The following PRIM2 variants were observed in gnomAD, a reference collection of about 807,000 sequenced individuals.
PRIM2 encodes DNA primase subunit 2, also known as DNA primase large subunit.
PRIM2 carries 39 observed loss-of-function variants against 67.3 expected under a neutral mutation model. The observed-to-expected ratio is 0.58, with a 90% CI of 0.45 to 0.76. The LOEUF (loss-of-function observed/expected upper bound fraction) is 0.76. Among genes scored for constraint, PRIM2 ranks in the 30% least tolerant of loss-of-function variants. PRIM2 has a pLI of 0.00. For synonymous variants in PRIM2, 143 were observed against 198.7 expected (o/e 0.72, Z 2.36); for missense variants, 398 against 598.7 (o/e 0.66, Z 3.50).
intron 7 of PRIM2, among the ~76,000 whole-genome samples, chr6:57,493,107 AC>A (rs1773933298): frequency 6.6e-6 from 1 of 152,210 alleles, no homozygotes; most frequent in Non-Finnish European, 1.5e-5. Context: ...GGCAGTTCAG[AC>A]TTAACATGGA....
At chr6:57,331,541 G>C (rs1292352174) in intron 5 of PRIM2, among the ~76,000 whole-genome samples, 1 of 152,124 alleles carries the variant, frequency 6.6e-6, no homozygotes, top group African/African-American at 2.4e-5. Flanking sequence ...GCTTCTCTTT[G>C]TGGGTCATTA....
Position 57,339,393 on chromosome 6 carries a change from G to A in PRIM2, c.459+13348G>A, listed in dbSNP as rs918028178. Among the ~76,000 whole-genome samples, 12 of 152,056 alleles carry A rather than the reference G, an allele frequency of 7.9e-5. No individual in the cohort carries two copies. In the East Asian group the frequency reaches 1.5e-3, roughly 20 times the overall value. On this transcript the variant is annotated intron_variant, in intron 5 of 13. Coordinates refer to ENST00000615550, the MANE Select transcript of PRIM2 (RefSeq NM_000947.5). ...ATGGAACCAAAAAAGAGCCCGCATC[G>A]CCAAGTCAATCCTAAGCCAAAAGAA...
chr6:57,382,205 C>G (rs754499292), intron 7 of PRIM2, 37 bp downstream of exon 7: 41 of 1,603,058 alleles, frequency 2.6e-5, no homozygotes, highest in Admixed American at 3.4e-5. Context: ...CTGACATGTT[C>G]ACACTTTCAG....
chr6:57,358,082 T>G (rs2127308564), intron 5 of PRIM2, among the ~76,000 whole-genome samples: 1 of 152,358 alleles, frequency 6.6e-6, no homozygotes, highest in African/African-American at 2.4e-5. Flanking sequence ...CCTACAGTTG[T>G]TCCCCAGAAG....
upstream of PRIM2, among the ~76,000 whole-genome samples, chr6:57,311,283 C>T (rs1473068082): frequency 5.1e-5 from 7 of 137,648 alleles, no homozygotes; most frequent in African/African-American, 1.7e-4. Flanking sequence ...CCAGACGGGG[C>T]GGCCGGGCAG....
chr6:57,406,034 G>A (rs1333396926), intron 7 of PRIM2, among the ~76,000 whole-genome samples: 11 of 152,292 alleles, frequency 7.2e-5, no homozygotes, highest in Admixed American at 4.6e-4. Flanking sequence ...AGGTAAAGAG[G>A]CAGCACAGAA....
At chr6:57,375,672 C>CTTT (rs1226774379) in intron 5 of PRIM2, among the ~76,000 whole-genome samples, 1 of 136,196 alleles carries the variant, frequency 7.3e-6, no homozygotes, top group African/African-American at 2.7e-5. Flanking sequence ...CCGCCTCAGC[C>CTTT]TTTTTTTTTT....
chr6:57,410,254 G>T (rs1771039283), intron 7 of PRIM2, among the ~76,000 whole-genome samples: 1 of 150,422 alleles, frequency 6.6e-6, no homozygotes, highest in Non-Finnish European at 1.5e-5. Flanking sequence ...AATCTGGGAG[G>T]CAGAGGTTGC....
At chr6:57,322,729 A>AT (rs1767700883) in intron 3 of PRIM2, among the ~76,000 whole-genome samples, 1 of 152,162 alleles carries the variant, frequency 6.6e-6, no homozygotes, top group Non-Finnish European at 1.5e-5. Flanking sequence ...GGACTAATGT[A>AT]GCTTTACATG....
At chr6:57,262,493 T>C in the PRIM2 span, among the ~76,000 whole-genome samples, 1 of 152,204 alleles carries the variant, frequency 6.6e-6, no homozygotes, top group Admixed American at 6.5e-5. Flanking sequence ...GTTATTTTGC[T>C]TCTGCCCCAG....
chr6:57,307,469 A>C, the PRIM2 span, among the ~76,000 whole-genome samples: 1 of 151,820 alleles, frequency 6.6e-6, no homozygotes. Context: ...TCTCGATCTG[A>C]CCTCATGATC....
intron 7 of PRIM2, among the ~76,000 whole-genome samples, chr6:57,401,869 C>G (rs1020847688): frequency 3.3e-5 from 5 of 152,154 alleles, no homozygotes; most frequent in Non-Finnish European, 7.3e-5. Flanking sequence ...TCAACTGCAG[C>G]TTGTTGGAGG....
the PRIM2 span, among the ~76,000 whole-genome samples, chr6:57,297,755 G>A: frequency 6.6e-6 from 1 of 152,176 alleles, no homozygotes; most frequent in Non-Finnish European, 1.5e-5. Flanking sequence ...CTTCTCTTGG[G>A]AGGACATAAT....
chr6:57,516,517 A>ACTC (rs1450398917), intron 8 of PRIM2, among the ~76,000 whole-genome samples: 3 of 152,306 alleles, frequency 2.0e-5, no homozygotes, highest in Admixed American at 6.5e-5. Flanking sequence ...TCTTAACAGA[A>ACTC]ATATAAAAAG....
chr6:57,468,037 A>G (rs2127400549), intron 7 of PRIM2, among the ~76,000 whole-genome samples: 1 of 152,310 alleles, frequency 6.6e-6, no homozygotes, highest in East Asian at 1.9e-4. Flanking sequence ...TGAGATGATG[A>G]TGGGATTTTC....
chr6:57,444,365 G>A (rs962565633), intron 7 of PRIM2, among the ~76,000 whole-genome samples: 3 of 152,042 alleles, frequency 2.0e-5, no homozygotes, highest in Non-Finnish European at 4.4e-5. Flanking sequence ...TCAAGAGTTC[G>A]AGACCAGCCT....
chr6:57,339,697 A>C (rs138276296), intron 5 of PRIM2, among the ~76,000 whole-genome samples: 5,082 of 152,286 alleles, frequency 0.033, 125 homozygotes, highest in Non-Finnish European at 0.056. Context: ...CCTTATACAA[A>C]AATCAATTCA....
intron 10 of PRIM2, among the ~76,000 whole-genome samples, chr6:57,585,624 A>T (rs1316779567): frequency 6.6e-6 from 1 of 152,194 alleles, no homozygotes; most frequent in Non-Finnish European, 1.5e-5. Flanking sequence ...GAATTTGATT[A>T]GATACCGAGG....
the PRIM2 span, among the ~76,000 whole-genome samples, chr6:57,290,073 C>T: frequency 6.7e-6 from 1 of 149,240 alleles, no homozygotes; most frequent in African/African-American, 2.5e-5. Context: ...CATGCAAACA[C>T]ACACATAGGC....
Sources: gnomAD v4.1 joint callset for allele counts (sites outside exome capture counted in the v4.1 genomes callset) on GRCh38, gnomAD v4.1.1 for gene constraint, MANE v1.5 for transcripts, NCBI Gene and HGNC (gene_info 2026-07-23, HGNC 2026-07-21) for gene names.